The following SESN3 variants were observed in gnomAD, a reference collection of about 807,000 sequenced individuals.
The protein encoded by SESN3 is sestrin-3.
In SESN3, 21 loss-of-function variants were observed where a neutral mutation model predicts 55.3. The observed-to-expected ratio is 0.38, with a 90% CI of 0.27 to 0.55. The LOEUF (loss-of-function observed/expected upper bound fraction) is 0.55. Among genes scored for constraint, SESN3 ranks in the 20% least tolerant of loss-of-function variants. The probability of loss-of-function intolerance (pLI) is 0.76; values close to 1 mark genes in which losing one functional copy is unlikely to be tolerated. For missense variants in SESN3, 408 were observed against 604.3 expected (o/e 0.68, Z 3.41); for synonymous variants, 181 against 203.1 (o/e 0.89, Z 0.93).
chr11:95,200,833 G>C (rs1006963293), intron 1 of SESN3: 1 of 151,936 alleles, frequency 6.6e-6, no homozygotes. Context: ...TATGAAATTC[G>C]ATTTTTAACT....
At position 95,170,246 on chromosome 11, in the gene SESN3, A is replaced by T. The variant is rs1292769803; in HGVS notation, c.*3009T>A. The T allele has an allele frequency of 6.6e-6, 1 of 152,220 alleles. No homozygotes were observed. The highest frequency in any genetic ancestry group is 2.4e-5 in the African/African-American group (1 of 41,470). The allele number at this position is 152,220 out of a possible 1,614,324, so 9.4% of individuals were successfully genotyped here. A position where few individuals can be genotyped will look rare whatever the true frequency, so the allele number is the denominator to read the frequency against. ...GTGGGTTAAAGAACAGATTATTTTC[A>T]GGTGGGAGAGTATCTCAATATTTCT... On this transcript the variant is annotated 3_prime_UTR_variant, in exon 10 of 10. Coordinates refer to ENST00000536441, the MANE Select transcript of SESN3 (RefSeq NM_144665.4).
chr11:95,199,516 C>T (rs892180448), intron 1 of SESN3, among the ~76,000 whole-genome samples: 4 of 151,900 alleles, frequency 2.6e-5, no homozygotes, highest in African/African-American at 9.7e-5. Flanking sequence ...TATTAGATCC[C>T]TTTAAAGGAT....
rs753185379 is a variant in SESN3 at position 95,185,397 on chromosome 11, A to G, written c.621T>C (p.Val207=). The change falls in exon 5 of 10, where the codon GTT becomes GTC. Residue 207 remains valine (V), a synonymous_variant. Coordinates refer to ENST00000536441, the MANE Select transcript of SESN3 (RefSeq NM_144665.4). ...TCTCTGGATTGATACCACTACCAAA[A>G]ACAAAGCTTGCCAAAGCATGATAAT... is the stretch of plus-strand genomic sequence containing the variant. The part of the protein sequence containing the change: ...LAHYHALASF[V]FGSGINPERD... 5.6e-6 allele frequency: 9 copies of G among 1,613,178 alleles called. No individual in the cohort carries two copies. In the East Asian group the frequency reaches 2.0e-4, roughly 36 times the overall value.
chr11:95,177,945 C>T, intron 7 of SESN3, 36 bp from the exon 8 acceptor site: 2 of 1,351,152 alleles, frequency 1.5e-6, no homozygotes, highest in East Asian at 2.5e-5. Flanking sequence ...ACAAAGTGGG[C>T]ATTTTCCATC....
chr11:95,210,708 CAGAA>C (rs1471653232), intron 1 of SESN3, among the ~76,000 whole-genome samples: 5 of 152,078 alleles, frequency 3.3e-5, no homozygotes, highest in African/African-American at 7.2e-5. Flanking sequence ...CTTATTAAAA[CAGAA>C]AGGAAGACTA....
At chr11:95,196,858 T>C (rs938435469) in intron 1 of SESN3, among the ~76,000 whole-genome samples, 1 of 152,210 alleles carries the variant, frequency 6.6e-6, no homozygotes, top group African/African-American at 2.4e-5. Flanking sequence ...TTTTATAACT[T>C]TTTGAAATGT....
chr11:95,205,649 A>T (rs911872858), intron 1 of SESN3, among the ~76,000 whole-genome samples: 1 of 152,220 alleles, frequency 6.6e-6, no homozygotes, highest in African/African-American at 2.4e-5. Context: ...GATTATGCTT[A>T]TAAGACAGTA....
In SESN3 at chr11:95,167,540, G is replaced by C. The variant is rs1859773636; in HGVS notation, c.*5715C>G. Reference sequence around the variant, plus strand: ...GTCATAATTAGGTTAAAGCTAAAATGAACACTTCATGGCATATAATTTAAT... The same window carrying C: ...GTCATAATTAGGTTAAAGCTAAAATCAACACTTCATGGCATATAATTTAAT... On this transcript the variant is annotated 3_prime_UTR_variant, in exon 10 of 10. Transcript: ENST00000536441. 6.6e-6 allele frequency: 1 copy of C among 151,534 alleles called. No individual in the cohort carries two copies. 9.4% of individuals were successfully genotyped at this position (151,534 alleles called of 1,614,324 possible).
chr11:95,186,227 T>TGTGTGTGA (rs1246964749), intron 4 of SESN3, among the ~76,000 whole-genome samples: 1 of 150,736 alleles, frequency 6.6e-6, no homozygotes, highest in Non-Finnish European at 1.5e-5. Flanking sequence ...TGTGTGTGTG[T>TGTGTGTGA]GTGTGTGTGT....
In SESN3 at chr11:95,193,446, GAT is replaced by G; in HGVS notation, c.144+9_144+10del. On this transcript the variant is annotated intron_variant, in intron 2 of 9. Transcript: ENST00000536441. The stretch of plus-strand genomic sequence containing the variant: ...ATCTTACTTTTTATATTTTAAGACA[GAT>G]AAACTTACTTCCTTCTCTGGAATAA... The G allele has an allele frequency of 6.8e-7, 1 of 1,471,574 alleles. No individual in the cohort carries two copies. Among genetic ancestry groups the G allele is most frequent in the Non-Finnish European group, 9.5e-7 (1 of 1,053,158 alleles). The allele number at this position is 1,471,574 out of a possible 1,614,324, so 91.2% of individuals were successfully genotyped here.
rs752333360 is a variant in SESN3, at chr11:95,166,401, A to G, written c.*6854T>C. The G allele has an allele frequency of 1.3e-5, 2 of 152,248 alleles. No homozygotes were observed. Among genetic ancestry groups the G allele is most frequent in the Non-Finnish European group, 2.9e-5 (2 of 68,034 alleles). 9.4% of individuals were successfully genotyped at this position (152,248 alleles called of 1,614,324 possible). A position where few individuals can be genotyped will look rare whatever the true frequency, so the allele number is the denominator to read the frequency against. ...ATTAATACTGATGAATTAAAGAGCT[A>G]TAACAGACATTTCACAGCATGCTAC... On this transcript the variant is annotated 3_prime_UTR_variant, in exon 10 of 10. Coordinates refer to ENST00000536441, the MANE Select transcript of SESN3 (RefSeq NM_144665.4).
At chr11:95,224,386 C>G (rs1351396335) in intron 1 of SESN3, 4 of 388,044 alleles carry the variant, frequency 1.0e-5, no homozygotes, top group Non-Finnish European at 1.0e-5. Context: ...ATCCTGAAAA[C>G]TAGAGGAAAA....
In SESN3 at chr11:95,230,662, G is replaced by T. The variant is rs138308840; in HGVS notation, c.78+121C>A. 7 of 676,072 alleles carry T rather than the reference G, an allele frequency of 1.0e-5. No homozygotes were observed. Among genetic ancestry groups the T allele is most frequent in the Non-Finnish European group, 1.2e-5 (5 of 402,704 alleles). 41.9% of individuals were successfully genotyped at this position (676,072 alleles called of 1,614,324 possible). On this transcript the variant is annotated intron_variant, in intron 1 of 9. Transcript: ENST00000536441. This position sits in a 1 kb window ranked among gnomAD's most constrained non-coding sequence, Gnocchi z 4.6. ...CCACGCCCCCTTTCTCAGTCCCTGC[G>T]GAGGGACGGTGCCCGGGGATCCCTC...
At chr11:95,196,719 C>T (rs1159667515) in intron 1 of SESN3, among the ~76,000 whole-genome samples, 1 of 152,184 alleles carries the variant, frequency 6.6e-6, no homozygotes, top group Non-Finnish European at 1.5e-5. Flanking sequence ...TGCTCGGCAG[C>T]CACATAGGAC....
intron 6 of SESN3, among the ~76,000 whole-genome samples, chr11:95,181,280 A>G (rs974574367): frequency 6.6e-6 from 1 of 152,104 alleles, no homozygotes; most frequent in Admixed American, 6.5e-5. Context: ...AGTCAGCCAA[A>G]TAAGAGAAGT....
In SESN3 at chr11:95,230,769, G is replaced by A; in HGVS notation, c.78+14C>T. 2 of 1,602,330 alleles carry A rather than the reference G, an allele frequency of 1.2e-6. No homozygotes were observed. The highest frequency in any genetic ancestry group is 1.7e-6 in the Non-Finnish European group (2 of 1,174,864). ...AGCGACCCTCGCCGGCAGGACCCCG[G>A]GCCGAACCCGTACCTTCCGCAGCAC... On this transcript the variant is annotated intron_variant, in intron 1 of 9. Transcript: ENST00000536441. The surrounding 1 kb of genome is among the most constrained non-coding windows in gnomAD (Gnocchi z 4.6).
At chr11:95,183,863 A>G (rs1474785535) in intron 6 of SESN3, among the ~76,000 whole-genome samples, 1 of 152,142 alleles carries the variant, frequency 6.6e-6, no homozygotes. Flanking sequence ...TTTCAAGACT[A>G]CAGCAAAGAA....
intron 1 of SESN3, among the ~76,000 whole-genome samples, chr11:95,216,531 C>T (rs1404700166): frequency 2.6e-5 from 4 of 152,110 alleles, no homozygotes; most frequent in Non-Finnish European, 4.4e-5. Flanking sequence ...TGGCAACATT[C>T]TAGGTAATTT....
intron 1 of SESN3, among the ~76,000 whole-genome samples, chr11:95,222,693 A>C (rs906626807): frequency 1.3e-5 from 2 of 152,212 alleles, no homozygotes; most frequent in African/African-American, 2.4e-5. Context: ...AGTGCAATTG[A>C]ATATCATGGC....
Sources: allele counts gnomAD v4.1 joint callset (sites outside exome capture counted in the v4.1 genomes callset), GRCh38; gene constraint gnomAD v4.1.1; non-coding constraint Gnocchi (gnomAD v3.1); transcripts MANE v1.5; gene names NCBI Gene and HGNC (gene_info 2026-07-23, HGNC 2026-07-21).